FHIP1A: variants seen among roughly 807,000 people sequenced by gnomAD.
FHIP1A encodes the protein FHF complex subunit HOOK interacting protein 1A, also known as FHF complex subunit HOOK-interacting protein 1A.
In FHIP1A, 61 loss-of-function variants were observed where a neutral mutation model predicts 88.6. The ratio of observed to expected loss-of-function variants is 0.69; its 90% CI spans 0.56 to 0.85. FHIP1A has a LOEUF of 0.85. FHIP1A is among the 40% of genes least tolerant of loss of function. FHIP1A has a pLI of 0.00. For missense variants in FHIP1A, 1,154 were observed against 1,273.5 expected (o/e 0.91, Z 1.43); for synonymous variants, 478 against 496.0 (o/e 0.96, Z 0.48).
At chr4:151,588,978 A>T (rs2165789) in intron 7 of FHIP1A, 52 bp downstream of exon 7, 365,797 of 1,173,984 alleles carry the variant, frequency 0.31, 59,788 homozygotes, top group Non-Finnish European at 0.34. Flanking sequence ...AGTGATGGAC[A>T]CTGAGGAGGG....
chr4:151,642,607 G>A (rs887124537), intron 9 of FHIP1A, among the ~76,000 whole-genome samples: 3 of 152,100 alleles, frequency 2.0e-5, no homozygotes, highest in African/African-American at 7.2e-5. Flanking sequence ...TTGTCTATTG[G>A]TGCATTGTTG....
At chr4:151,628,447 T>G (rs915065837) in intron 7 of FHIP1A, among the ~76,000 whole-genome samples, 1 of 152,172 alleles carries the variant, frequency 6.6e-6, no homozygotes, top group African/African-American at 2.4e-5. Context: ...TCTACACTTA[T>G]GTAGCAGATC....
chr4:151,514,551 C>T lies in FHIP1A; in HGVS notation c.-123+31903C>T, dbSNP rs961344513. Among the ~76,000 whole-genome samples the T allele has an allele frequency of 2.9e-4, 44 of 151,198 alleles. 1 individual carries two copies. Among genetic ancestry groups the T allele is most frequent in the African/African-American group, 6.1e-4 (25 of 41,122 alleles). On this transcript the variant is annotated intron_variant, in intron 3 of 13. Coordinates refer to ENST00000435205, the MANE Select transcript of FHIP1A (RefSeq NM_001109977.3). ...GAAAGGATCAACAAAATTGATAGACCGCTAGCAAGACTAATAAAGAAGAAA... is the reference window on the plus strand; with the variant it reads ...GAAAGGATCAACAAAATTGATAGACTGCTAGCAAGACTAATAAAGAAGAAA...
chr4:151,483,022 AATTTTTCTTTTTGT>A lies in FHIP1A; in HGVS notation c.-123+376_-123+389del, dbSNP rs1210349749. 2.0e-5 allele frequency among the ~76,000 whole-genome samples: 3 copies of A among 152,098 alleles called. No individual in the cohort carries two copies. In the East Asian group the frequency reaches 5.8e-4, roughly 29 times the overall value. On this transcript the variant is annotated intron_variant, in intron 3 of 13. Coordinates refer to ENST00000435205, the MANE Select transcript of FHIP1A (RefSeq NM_001109977.3). ...GAAGGAGCAATAACATAAGGAAACC[AATTTTTCTTTTTGT>A]AATTTGAAGACTCATACACTGTATT...
chr4:151,558,657 C>T (rs550432964), intron 3 of FHIP1A, among the ~76,000 whole-genome samples: 4 of 152,314 alleles, frequency 2.6e-5, no homozygotes, highest in East Asian at 3.9e-4. Context: ...GAGAAATCTT[C>T]GTAGTGAGCT....
chr4:151,511,310 A>G (rs1418113634), intron 3 of FHIP1A, among the ~76,000 whole-genome samples: 2 of 152,220 alleles, frequency 1.3e-5, no homozygotes, highest in African/African-American at 4.8e-5. Flanking sequence ...TGGAGCCAAG[A>G]TGGCCGAATA....
chr4:151,427,418 C>T (rs1279800310), intron 1 of FHIP1A, among the ~76,000 whole-genome samples: 2 of 152,000 alleles, frequency 1.3e-5, no homozygotes, highest in African/African-American at 4.8e-5. Context: ...TTAGATAGGA[C>T]ATTTGTTGTT....
At chr4:151,488,073 A>G (rs1013531511) in intron 3 of FHIP1A, among the ~76,000 whole-genome samples, 5 of 152,112 alleles carry the variant, frequency 3.3e-5, no homozygotes, top group African/African-American at 1.2e-4. Context: ...CTCAACTACT[A>G]TAATTGGTGT....
chr4:151,486,083 A>G (rs1730071838), intron 3 of FHIP1A, among the ~76,000 whole-genome samples: 2 of 152,102 alleles, frequency 1.3e-5, no homozygotes, highest in Non-Finnish European at 2.9e-5. Context: ...TCACATGTGC[A>G]TTTCACGATA....
intron 1 of FHIP1A, among the ~76,000 whole-genome samples, chr4:151,422,172 GAAAA>G (rs1030218504): frequency 6.8e-6 from 1 of 146,948 alleles, no homozygotes; most frequent in African/African-American, 2.5e-5. Flanking sequence ...AAATGGGAAA[GAAAA>G]AAAAAGAAGC....
intron 8 of FHIP1A, among the ~76,000 whole-genome samples, chr4:151,634,730 T>G (rs1736284344): frequency 6.6e-6 from 1 of 151,866 alleles, no homozygotes; most frequent in Non-Finnish European, 1.5e-5. Flanking sequence ...ACCCTTACTT[T>G]ACACCGTATA....
chr4:151,468,613 A>AC (rs1371093474), intron 2 of FHIP1A, among the ~76,000 whole-genome samples: 6 of 152,158 alleles, frequency 3.9e-5, no homozygotes, highest in African/African-American at 1.4e-4. Flanking sequence ...TTAGATTGCC[A>AC]CCCCATGCCC....
In FHIP1A at chr4:151,649,501, C is replaced by A. The variant is rs746499636; in HGVS notation, c.1460C>A (p.Ala487Asp). ...TTCCCCGAAGCGTTCTCCGAGTCAG[C>A]CTGCATTGTGGAGTATGGGAAAGCC... ...RPFPEAFSESACIVEYGKALD... is the reference protein window; with the variant it reads ...RPFPEAFSESDCIVEYGKALD... The change falls in exon 11 of 14, where the codon GCC becomes GAC. Residue 487 changes from alanine (A) to aspartate (D), a missense_variant. By Grantham distance (126) the Ala-to-Asp change is moderately radical. Transcript: ENST00000435205. 3.4e-5 allele frequency: 53 copies of A among 1,551,396 alleles called. No homozygotes were observed. The highest frequency in any genetic ancestry group is 1.7e-4 in the Middle Eastern group (1 of 6,014).
At chr4:151,635,901 AT>A (rs1736335650) in intron 8 of FHIP1A, among the ~76,000 whole-genome samples, 1 of 152,016 alleles carries the variant, frequency 6.6e-6, no homozygotes, top group African/African-American at 2.4e-5. Context: ...AATTTAAAAA[AT>A]GAATAATTAA....
At chr4:151,432,728 G>C (rs1038170593) in intron 1 of FHIP1A, among the ~76,000 whole-genome samples, 6 of 152,148 alleles carry the variant, frequency 3.9e-5, no homozygotes, top group Non-Finnish European at 8.8e-5. Context: ...AGGAAACTGA[G>C]GGATGACTAG....
At chr4:151,462,002 A>G (rs538873473) in intron 2 of FHIP1A, among the ~76,000 whole-genome samples, 31 of 152,228 alleles carry the variant, frequency 2.0e-4, no homozygotes, top group Admixed American at 4.6e-4. Context: ...TCCCTACAGA[A>G]TATTAAAAAA....
At chr4:151,581,321 T>C (rs933281776) in intron 5 of FHIP1A, among the ~76,000 whole-genome samples, 4 of 152,118 alleles carry the variant, frequency 2.6e-5, no homozygotes, top group Non-Finnish European at 4.4e-5. Context: ...GGTAATGAGA[T>C]TGGAGTAGGG....
At chr4:151,609,797 G>A (rs535027771) in intron 7 of FHIP1A, among the ~76,000 whole-genome samples, 17 of 152,240 alleles carry the variant, frequency 1.1e-4, no homozygotes, top group South Asian at 6.2e-4. Flanking sequence ...CTAATTGGCC[G>A]TAGGATCTAT....
Position 151,629,836 on chromosome 4 carries a change from C to A in FHIP1A, c.1113C>A (p.Asp371Glu). 1 of 1,551,394 alleles carries A rather than the reference C, an allele frequency of 6.4e-7. No homozygotes were observed. The highest frequency in any genetic ancestry group is 2.4e-5 in the East Asian group (1 of 40,926). ...LHQHENVHIL[D>E]TLTSRINTPF... Reference sequence around the variant, plus strand: ...AGCACGAGAATGTCCACATCCTAGACACTCTCACGAGTCGAATCAACACCC... The same window carrying A: ...AGCACGAGAATGTCCACATCCTAGAAACTCTCACGAGTCGAATCAACACCC... Residue 371 changes from aspartate to glutamate, a missense_variant, in exon 8 of 14, where the codon GAC (aspartate) becomes GAA (glutamate). Asp to Glu is a conservative substitution (Grantham distance 45). Coordinates refer to ENST00000435205, the MANE Select transcript of FHIP1A (RefSeq NM_001109977.3).
Sources: allele counts gnomAD v4.1 joint callset (sites outside exome capture counted in the v4.1 genomes callset), GRCh38; gene constraint gnomAD v4.1.1; transcripts MANE v1.5; gene names NCBI Gene and HGNC (gene_info 2026-07-23, HGNC 2026-07-21).